APPBP2: variants seen among roughly 807,000 people sequenced by gnomAD.
APPBP2 encodes amyloid protein-binding protein 2.
A neutral mutation model predicts 76.0 loss-of-function variants in APPBP2; 15 were observed. The ratio of observed to expected loss-of-function variants is 0.20; its 90% confidence interval spans 0.13 to 0.30. The LOEUF (loss-of-function observed/expected upper bound fraction) is 0.30. Among genes scored for constraint, APPBP2 ranks in the 10% least tolerant of loss-of-function variants. APPBP2 has a pLI of 1.00. For missense variants in APPBP2, 401 were observed against 687.2 expected (o/e 0.58, Z 4.66); for synonymous variants, 222 against 242.2 (o/e 0.92, Z 0.77).
chr17:60,515,665 T>C (rs1270623046), intron 1 of APPBP2, among the ~76,000 whole-genome samples: 5 of 152,212 alleles, frequency 3.3e-5, no homozygotes, highest in Non-Finnish European at 7.3e-5. Flanking sequence ...AGATCATATA[T>C]TATACATCCA....
At chr17:60,479,009 G>T in intron 4 of APPBP2, 139 bp downstream of exon 4, 1 of 770,434 alleles carries the variant, frequency 1.3e-6, no homozygotes, top group South Asian at 2.6e-5. Context: ...ATGAGAGGAT[G>T]CCAGACTAGT....
At chr17:60,477,084 TA>T (rs1356711650) in intron 4 of APPBP2, among the ~76,000 whole-genome samples, 2 of 152,180 alleles carry the variant, frequency 1.3e-5, no homozygotes, top group Non-Finnish European at 2.9e-5. Context: ...TTTTCTGATT[TA>T]AAAAAGAGTC....
intron 4 of APPBP2, among the ~76,000 whole-genome samples, chr17:60,477,246 CT>C (rs1391073527): frequency 6.6e-6 from 1 of 152,050 alleles, no homozygotes; most frequent in African/African-American, 2.4e-5. Flanking sequence ...TTTGGTAAGG[CT>C]AAAGCCAAAT....
chr17:60,524,610 G>GAAAAAA (rs35185909), intron 1 of APPBP2, among the ~76,000 whole-genome samples: 1 of 49,936 alleles, frequency 2.0e-5, no homozygotes, highest in Non-Finnish European at 5.2e-5. Flanking sequence ...TGCTAATTCT[G>GAAAAAA]AAAAAAAAAA....
At chr17:60,472,154 GAAACAAAAACAA>G (rs368204527) in intron 4 of APPBP2, among the ~76,000 whole-genome samples, 27 of 151,948 alleles carry the variant, frequency 1.8e-4, no homozygotes, top group Non-Finnish European at 2.8e-4. Context: ...AATGAAAATG[GAAACAAAAACAA>G]AAACAAAAAC....
chr17:60,495,574 G>A (rs2090769029), intron 2 of APPBP2, among the ~76,000 whole-genome samples: 1 of 151,826 alleles, frequency 6.6e-6, no homozygotes, highest in Non-Finnish European at 1.5e-5. Context: ...TCTCAATTAA[G>A]ATCCTCCTGC....
intron 2 of APPBP2, 40 bp from the exon 3 acceptor site, chr17:60,494,657 A>G (rs1046639947): frequency 1.3e-6 from 2 of 1,516,540 alleles, no homozygotes; most frequent in Admixed American, 2.3e-5. Context: ...GAGTTAATTT[A>G]TTTTTCTCCT....
intron 1 of APPBP2, among the ~76,000 whole-genome samples, chr17:60,514,226 G>C (rs747517720): frequency 6.6e-6 from 1 of 152,092 alleles, no homozygotes; most frequent in Non-Finnish European, 1.5e-5. Context: ...CCTAGGAGGT[G>C]GAGGTTGTAG....
chr17:60,499,213 C>T (rs1048902450), intron 2 of APPBP2, among the ~76,000 whole-genome samples: 2 of 151,380 alleles, frequency 1.3e-5, no homozygotes, highest in Non-Finnish European at 1.5e-5. Context: ...CGCCTATAGT[C>T]CCAGCTACTC....
At position 60,445,577 on chromosome 17, in the gene APPBP2, A is replaced by G. The variant is rs2090339184; in HGVS notation, c.*2004T>C. 1 of 152,612 alleles carries G rather than the reference A, an allele frequency of 6.6e-6. No individual in the cohort carries two copies. The highest frequency in any genetic ancestry group is 1.5e-5 in the Non-Finnish European group (1 of 68,040). 9.5% of individuals were successfully genotyped at this position (152,612 alleles called of 1,614,324 possible). On this transcript the variant is annotated 3_prime_UTR_variant, in exon 13 of 13. Coordinates refer to ENST00000083182, the MANE Select transcript of APPBP2 (RefSeq NM_006380.5). ...AAAGTATACAAAGCCTATCCTGAAA[A>G]TATCTTTGGAGGTATTAAATATATA...
intron 1 of APPBP2, among the ~76,000 whole-genome samples, chr17:60,520,036 A>G (rs938238331): frequency 6.6e-6 from 1 of 151,808 alleles, no homozygotes; most frequent in Non-Finnish European, 1.5e-5. Flanking sequence ...TCCTCCCACC[A>G]TGGCCCCAAA....
At chr17:60,500,599 G>A (rs2090815383) in intron 1 of APPBP2, 112 bp from the exon 2 acceptor site, 4 of 764,898 alleles carry the variant, frequency 5.2e-6, no homozygotes, top group East Asian at 2.8e-5. Flanking sequence ...CTTATGTTAA[G>A]AGAAATGTAA....
Position 60,447,743 on chromosome 17 carries a change from T to C in APPBP2, c.1596A>G (p.Lys532=), listed in dbSNP as rs778351547. The change falls in exon 13 of 13, where the codon AAA becomes AAG. Residue 532 remains lysine, a synonymous_variant. Transcript: ENST00000083182. ...ACAGAACATTGTGATATTCAAACAC[T>C]TTCTCGTAATTTCCAATGGAGTTGT... ...KLYNSIGNYE[K]VFEYHNVLSN... The C allele has an allele frequency of 2.5e-6, 4 of 1,613,992 alleles. No homozygotes were observed. The highest frequency in any genetic ancestry group is 2.7e-5 in the African/African-American group (2 of 74,904).
Position 60,494,531 on chromosome 17 carries a change from C to A in APPBP2, c.314G>T (p.Cys105Phe). Reference protein sequence around the residue: ...SVLAYSFSRRCSYIAESDAAV... With the variant: ...SVLAYSFSRRFSYIAESDAAV... The stretch of plus-strand genomic sequence containing the variant: ...AGCATCTGATTCTGCTATATAAGAG[C>A]ACCGCCTACTGAATGAGTAGGCCAA... Residue 105 changes from cysteine to phenylalanine, a missense_variant, in exon 3 of 13, where the codon TGC becomes TTC. This residue lies in a region of APPBP2 where 149 missense variants were observed against 198.4 expected (regional missense o/e 0.75). Transcript: ENST00000083182. 2 of 1,612,458 alleles carry A rather than the reference C, an allele frequency of 1.2e-6. No homozygotes were observed. Among genetic ancestry groups the A allele is most frequent in the Non-Finnish European group, 1.7e-6 (2 of 1,179,774 alleles).
rs763567005 is a variant in APPBP2, at chr17:60,525,894, A to G, written c.38T>C (p.Leu13Pro). Residue 13 changes from leucine (L) to proline (P), a missense_variant, in exon 1 of 13, where the codon CTC (leucine) becomes CCC (proline). By Grantham distance (98) the Leu-to-Pro change is moderately conservative. This residue lies in a region of APPBP2 where 149 missense variants were observed against 198.4 expected (regional missense o/e 0.75). Transcript: ENST00000083182. ...AVELEWIPETLYNTAISAVVD... is the reference protein window; with the variant it reads ...AVELEWIPETPYNTAISAVVD... Reference sequence around the variant, plus strand: ...GACAGCGGAGATGGCGGTGTTATAGAGAGTCTCTGGGATCCACTCTAGTTC... The same window carrying G: ...GACAGCGGAGATGGCGGTGTTATAGGGAGTCTCTGGGATCCACTCTAGTTC... 1 of 1,613,584 alleles carries G rather than the reference A, an allele frequency of 6.2e-7. No homozygotes were observed. The highest frequency in any genetic ancestry group is 1.3e-5 in the African/African-American group (1 of 74,762).
intron 4 of APPBP2, chr17:60,477,619 T>C (rs1338393757): frequency 6.6e-6 from 1 of 152,114 alleles, no homozygotes; most frequent in Non-Finnish European, 1.5e-5. Context: ...CACACAAATA[T>C]TCCTATAATT....
rs532818785 is a variant in APPBP2 at position 60,444,948 on chromosome 17, G to A, written c.*2633C>T. 1.3e-5 allele frequency: 2 copies of A among 152,238 alleles called. No individual in the cohort carries two copies. Among genetic ancestry groups the A allele is most frequent in the South Asian group, 2.1e-4 (1 of 4,814 alleles). The allele number at this position is 152,238 out of a possible 1,614,324, so 9.4% of individuals were successfully genotyped here. ...GCACCTCACCATATGTAAAAAGTTTGCGCAAGTTAACTTATTGTGAGATAA... is the reference window on the plus strand; with the variant it reads ...GCACCTCACCATATGTAAAAAGTTTACGCAAGTTAACTTATTGTGAGATAA... On this transcript the variant is annotated 3_prime_UTR_variant, in exon 13 of 13. Transcript: ENST00000083182.
rs144110607 is a variant in APPBP2 at position 60,474,858 on chromosome 17, T to C, written c.503+4290A>G. On this transcript the variant is annotated intron_variant, in intron 4 of 12. Transcript: ENST00000083182. ...CAATATTCATTACCTACCACTGTTT[T>C]TATACTGTCTTCCCCTACCTTGGGA... Among the ~76,000 whole-genome samples, 357 of 152,308 alleles carry C rather than the reference T, an allele frequency of 2.3e-3. 2 individuals are homozygous for C. The highest frequency in any genetic ancestry group is 8.1e-3 in the African/African-American group (338 of 41,560).
intron 4 of APPBP2, among the ~76,000 whole-genome samples, chr17:60,471,114 T>G (rs1410249585): frequency 6.6e-6 from 1 of 152,070 alleles, no homozygotes; most frequent in Admixed American, 6.6e-5. Context: ...TAAATTCTGT[T>G]GTTTGTAGTT....
Sources: gnomAD v4.1 joint callset for allele counts (sites outside exome capture counted in the v4.1 genomes callset) on GRCh38, gnomAD v4.1.1 for gene constraint, gnomAD v4.1.1 regional missense constraint, MANE v1.5 for transcripts, NCBI Gene and HGNC (gene_info 2026-07-23, HGNC 2026-07-21) for gene names.